Variants in EHBP1 observed in about 807,000 individuals in gnomAD.
EHBP1 encodes EH domain-binding protein 1.
EHBP1 carries 55 observed loss-of-function variants against 144.0 expected under a neutral mutation model. The ratio of observed to expected loss-of-function variants is 0.38; its 90% CI spans 0.31 to 0.48. The LOEUF (loss-of-function observed/expected upper bound fraction) is 0.48. Among genes scored for constraint, EHBP1 ranks in the 20% least tolerant of loss-of-function variants. The probability of loss-of-function intolerance (pLI) is 0.98; values close to 1 mark genes in which losing one functional copy is unlikely to be tolerated. For missense variants in EHBP1, 1,200 were observed against 1,364.2 expected (o/e 0.88, Z 1.90); for synonymous variants, 469 against 472.7 (o/e 0.99, Z 0.10).
At chr2:63,028,871 A>G (rs2153331973) in intron 19 of EHBP1, among the ~76,000 whole-genome samples, 1 of 152,350 alleles carries the variant, frequency 6.6e-6, no homozygotes, top group South Asian at 2.1e-4. Context: ...ATATCTTCCT[A>G]TAAAAATGAT....
intron 2 of EHBP1, among the ~76,000 whole-genome samples, chr2:62,713,006 T>C (rs1321702351): frequency 6.6e-6 from 1 of 152,198 alleles, no homozygotes; most frequent in Non-Finnish European, 1.5e-5. Context: ...AATTTCTTGC[T>C]GTGTTTGAGT....
intron 19 of EHBP1, among the ~76,000 whole-genome samples, chr2:63,002,468 A>G (rs1025262225): frequency 1.2e-4 from 19 of 152,130 alleles, no homozygotes; most frequent in African/African-American, 4.6e-4. Flanking sequence ...TCAGTGTATT[A>G]GAAGAACTTA....
rs1317331754 is a variant in EHBP1 at position 62,993,918 on chromosome 2, G to T, written c.2920G>T (p.Glu974Ter). 1.9e-6 allele frequency: 3 copies of T among 1,595,110 alleles called. No individual in the cohort carries two copies. The highest frequency in any genetic ancestry group is 1.3e-5 in the African/African-American group (1 of 74,386). The change falls in exon 18 of 23, where the codon GAG becomes TAG. Residue 974 changes from glutamate to a stop codon, truncating the protein, a stop_gained. Coordinates refer to ENST00000431489, the MANE Select transcript of EHBP1 (RefSeq NM_001142616.3). LOFTEE classifies it high-confidence loss of function. ...ACAGGAAGATACAAAGAAAGGAAATGAGGAGAAGGCAGCGATAACTGAAAC... is the reference window on the plus strand; with the variant it reads ...ACAGGAAGATACAAAGAAAGGAAATTAGGAGAAGGCAGCGATAACTGAAAC... ...SIQEDTKKGN[E>*]EKAAITETQR... is the part of the protein sequence containing the mutation.
At chr2:62,828,067 A>C (rs2046474203) in intron 6 of EHBP1, among the ~76,000 whole-genome samples, 1 of 152,226 alleles carries the variant, frequency 6.6e-6, no homozygotes, top group Non-Finnish European at 1.5e-5. Flanking sequence ...TTTTTTGCTC[A>C]TGCAAACTTT....
At chr2:62,848,063 C>T (rs1019181526) in intron 7 of EHBP1, among the ~76,000 whole-genome samples, 2 of 148,776 alleles carry the variant, frequency 1.3e-5, no homozygotes, top group Admixed American at 6.7e-5. Flanking sequence ...GGTACCATCA[C>T]ATAATGAGTG....
At chr2:62,888,667 C>A (rs1230676309) in intron 10 of EHBP1, among the ~76,000 whole-genome samples, 2 of 152,124 alleles carry the variant, frequency 1.3e-5, no homozygotes, top group Non-Finnish European at 2.9e-5. Context: ...AAAGACTGAG[C>A]AGTTAGTAAC....
chr2:62,755,279 C>T (rs1328469303), intron 3 of EHBP1, among the ~76,000 whole-genome samples: 3 of 152,136 alleles, frequency 2.0e-5, no homozygotes, highest in Non-Finnish European at 4.4e-5. Context: ...AGGCTTGTTT[C>T]GCTTGACATA....
intron 1 of EHBP1, among the ~76,000 whole-genome samples, chr2:62,691,277 T>C (rs913399153): frequency 1.3e-5 from 2 of 152,210 alleles, no homozygotes; most frequent in Non-Finnish European, 1.5e-5. Flanking sequence ...CTCTACAAAT[T>C]TGTGAGAGAC....
chr2:63,021,771 CTTT>C (rs74506390), intron 19 of EHBP1, among the ~76,000 whole-genome samples: 2 of 145,760 alleles, frequency 1.4e-5, no homozygotes, highest in South Asian at 2.2e-4. Flanking sequence ...CAAATGGAAA[CTTT>C]TTTTTTTTTT....
At chr2:62,929,835 A>C (rs1298017697) in intron 10 of EHBP1, among the ~76,000 whole-genome samples, 1 of 152,210 alleles carries the variant, frequency 6.6e-6, no homozygotes, top group Admixed American at 6.5e-5. Context: ...TCTACAAAAA[A>C]AAAAACTGTT....
chr2:62,896,690 A>C (rs1422360746), intron 10 of EHBP1, among the ~76,000 whole-genome samples: 1 of 151,686 alleles, frequency 6.6e-6, no homozygotes, highest in Non-Finnish European at 1.5e-5. Context: ...TTAAAAAAAA[A>C]AAAAACAAAA....
chr2:63,000,850 CTG>C (rs1338842741), intron 19 of EHBP1, among the ~76,000 whole-genome samples: 2 of 151,990 alleles, frequency 1.3e-5, no homozygotes, highest in African/African-American at 4.8e-5. Flanking sequence ...CTGTGTATAA[CTG>C]TTTTTGAGGA....
At chr2:62,696,487 T>A (rs2034098926) in intron 1 of EHBP1, among the ~76,000 whole-genome samples, 2 of 148,870 alleles carry the variant, frequency 1.3e-5, no homozygotes, top group African/African-American at 4.9e-5. Context: ...TTTCTTTTTC[T>A]TTTCTTTTCT....
rs1287653941 is a variant in EHBP1, at chr2:63,038,794, G to A, written c.3255G>A (p.Leu1085=). ...ERRYELLNRE[L]RAMLAIEDWQ... ...GGTATGAGCTGCTGAACCGGGAATT[G>A]AGGGCAATGCTAGCCATTGAAGGTA... is the stretch of plus-strand genomic sequence containing the variant. Residue 1085 remains leucine, a synonymous_variant, in exon 21 of 23, where the codon TTG becomes TTA. Coordinates refer to ENST00000431489, the MANE Select transcript of EHBP1 (RefSeq NM_001142616.3). 6.2e-7 allele frequency: 1 copy of A among 1,613,364 alleles called. No individual in the cohort carries two copies. Among genetic ancestry groups the A allele is most frequent in the East Asian group, 2.2e-5 (1 of 44,870 alleles).
At chr2:62,831,294 T>C (rs2046809388) in intron 7 of EHBP1, 136 bp downstream of exon 7, 1 of 786,712 alleles carries the variant, frequency 1.3e-6, no homozygotes, top group African/African-American at 1.8e-5. Context: ...CAATAAAATA[T>C]ACCATTTAGT....
At chr2:62,779,861 A>AC (rs1484998618) in intron 5 of EHBP1, among the ~76,000 whole-genome samples, 1 of 152,176 alleles carries the variant, frequency 6.6e-6, no homozygotes, top group African/African-American at 2.4e-5. Flanking sequence ...AATATACTAA[A>AC]CCTCTAAGTA....
At chr2:62,797,917 G>A (rs1271243459) in intron 5 of EHBP1, among the ~76,000 whole-genome samples, 1 of 152,006 alleles carries the variant, frequency 6.6e-6, no homozygotes, top group Non-Finnish European at 1.5e-5. Flanking sequence ...TATCAAACTA[G>A]GTAACTAAAC....
At chr2:63,004,804 G>A (rs553468977) in intron 19 of EHBP1, among the ~76,000 whole-genome samples, 1 of 152,092 alleles carries the variant, frequency 6.6e-6, no homozygotes, top group African/African-American at 2.4e-5. Context: ...GAAATTACAT[G>A]TACACCAAAA....
chr2:62,876,216 A>G (rs1161001163), intron 10 of EHBP1, among the ~76,000 whole-genome samples: 1 of 152,204 alleles, frequency 6.6e-6, no homozygotes, highest in Non-Finnish European at 1.5e-5. Flanking sequence ...AAGAAAAAAT[A>G]GTAAAGGCAG....
Sources: allele counts gnomAD v4.1 joint callset (sites outside exome capture counted in the v4.1 genomes callset), GRCh38; gene constraint gnomAD v4.1.1; transcripts MANE v1.5; gene names NCBI Gene and HGNC (gene_info 2026-07-23, HGNC 2026-07-21).